The following ARMH3 variants were observed in gnomAD, a reference collection of about 807,000 sequenced individuals.
The protein encoded by ARMH3 is armadillo-like helical domain-containing protein 3.
ARMH3 carries 60 observed loss-of-function variants against 99.1 expected under a neutral mutation model. The ratio of observed to expected loss-of-function variants is 0.61; its 90% CI spans 0.49 to 0.75. The LOEUF is 0.75. Ranked by LOEUF, ARMH3 falls within the 30% of genes least tolerant of loss-of-function variation. The probability of loss-of-function intolerance (pLI) is 0.00; values close to 1 mark genes in which losing one functional copy is unlikely to be tolerated. For missense variants in ARMH3, 679 were observed against 843.1 expected (o/e 0.81, Z 2.41); for synonymous variants, 285 against 292.8 (o/e 0.97, Z 0.27).
intron 22 of ARMH3, among the ~76,000 whole-genome samples, chr10:101,955,385 G>A (rs532809891): frequency 3.3e-5 from 5 of 152,256 alleles, no homozygotes; most frequent in South Asian, 2.1e-4. Context: ...TTTTAAGTCC[G>A]AGTTTTCTGA....
At chr10:101,913,269 C>A (rs1842938816) in intron 23 of ARMH3, 2 of 152,154 alleles carry the variant, frequency 1.3e-5, no homozygotes, top group Middle Eastern at 3.4e-3. Flanking sequence ...GTGTGAGCCA[C>A]CACACCTGGC....
intron 22 of ARMH3, among the ~76,000 whole-genome samples, chr10:101,946,468 C>T (rs1308226886): frequency 2.0e-5 from 3 of 151,858 alleles, no homozygotes; most frequent in East Asian, 3.9e-4. Context: ...GCCAAGAGTG[C>T]ACCACTGCAC....
rs539010325 is a variant in ARMH3 at position 102,040,122 on chromosome 10, G to T, written c.-8C>A. 2.4e-5 allele frequency: 38 copies of T among 1,611,384 alleles called. No individual in the cohort carries two copies. In the South Asian group the frequency reaches 3.7e-4, roughly 16 times the overall value. ...TTTCTCTACCTGTGCCATGGTTAGA[G>T]AATCTGTGAACAGAAAGTCACATTT... On this transcript the variant is annotated 5_prime_UTR_variant, in exon 2 of 26. Coordinates refer to ENST00000370033, the MANE Select transcript of ARMH3 (RefSeq NM_024541.3).
In ARMH3 at chr10:102,014,004, C is replaced by T; in HGVS notation, c.690G>A (p.Val230=). ...RKYESVNPYI[V]KLSIVDDEAT... is the part of the protein sequence containing the mutation. The stretch of plus-strand genomic sequence containing the variant: ...CCTCATCATCCACGATAGACAGCTT[C>T]ACAATATAAGGATTCACAGACTGTT... Residue 230 remains valine (V), a synonymous_variant, in exon 9 of 26, where the codon GTG becomes GTA. Coordinates refer to ENST00000370033, the MANE Select transcript of ARMH3 (RefSeq NM_024541.3). 1.2e-6 allele frequency: 2 copies of T among 1,611,718 alleles called. No homozygotes were observed. The highest frequency in any genetic ancestry group is 1.7e-6 in the Non-Finnish European group (2 of 1,178,736).
At chr10:101,925,317 C>T (rs151330602) in intron 23 of ARMH3, among the ~76,000 whole-genome samples, 19 of 152,318 alleles carry the variant, frequency 1.2e-4, no homozygotes, top group African/African-American at 4.3e-4. Context: ...AGGAAACATT[C>T]ACTGAATGCT....
intron 23 of ARMH3, among the ~76,000 whole-genome samples, chr10:101,935,387 G>A (rs1384006397): frequency 6.6e-6 from 1 of 152,018 alleles, no homozygotes; most frequent in Non-Finnish European, 1.5e-5. Flanking sequence ...GAACTAGCAT[G>A]ACTAAGCCAT....
intron 11 of ARMH3, 110 bp downstream of exon 11, chr10:102,011,613 G>T: frequency 1.2e-6 from 1 of 839,786 alleles, no homozygotes. Flanking sequence ...CCTCTCTCTT[G>T]TCATCATGCC....
intron 23 of ARMH3, among the ~76,000 whole-genome samples, chr10:101,932,166 CTAGT>C (rs1274345655): frequency 6.6e-6 from 1 of 152,172 alleles, no homozygotes; most frequent in African/African-American, 2.4e-5. Flanking sequence ...CTCAACATCA[CTAGT>C]TATTTAAAAA....
intron 20 of ARMH3, among the ~76,000 whole-genome samples, chr10:101,960,750 C>G (rs1239569847): frequency 6.6e-6 from 1 of 151,890 alleles, no homozygotes; most frequent in South Asian, 2.1e-4. Context: ...ATTAGCCAGG[C>G]ACGGTGGCGG....
At chr10:101,864,078 A>ACACAC (rs1368002043) in intron 24 of ARMH3, among the ~76,000 whole-genome samples, 12 of 106,276 alleles carry the variant, frequency 1.1e-4, no homozygotes, top group African/African-American at 1.0e-4. Context: ...AAAAAAAAAA[A>ACACAC]ACACACACAC....
chr10:101,971,667 G>C (rs1268117116), intron 20 of ARMH3, among the ~76,000 whole-genome samples: 2 of 152,220 alleles, frequency 1.3e-5, no homozygotes, highest in Admixed American at 6.5e-5. Context: ...TTTGACACAA[G>C]GGGCTTCAGA....
At chr10:102,011,229 T>C (rs1030728714) in intron 11 of ARMH3, among the ~76,000 whole-genome samples, 2 of 152,080 alleles carry the variant, frequency 1.3e-5, no homozygotes, top group Non-Finnish European at 2.9e-5. Context: ...GGCACAGATC[T>C]ACTGCACGAT....
intron 23 of ARMH3, among the ~76,000 whole-genome samples, chr10:101,932,225 G>T (rs1394699019): frequency 6.6e-6 from 1 of 152,208 alleles, no homozygotes; most frequent in African/African-American, 2.4e-5. Flanking sequence ...CACCCGCTGG[G>T]ATGGCTAGTA....
rs374583257 is a variant in ARMH3 at position 101,931,745 on chromosome 10, C to G, written c.1781+8118G>C. Among the ~76,000 whole-genome samples the G allele has an allele frequency of 3.9e-5, 6 of 151,978 alleles. No individual in the cohort carries two copies. The South Asian group carries it at 6.2e-4, about 16-fold the overall frequency. The stretch of plus-strand genomic sequence containing the variant: ...TTAGCCTGGGCAACGTAGCAAGACC[C>G]TACCTCAAAAAACAAAAAAGGATCA... On this transcript the variant is annotated intron_variant, in intron 23 of 25. Coordinates refer to ENST00000370033, the MANE Select transcript of ARMH3 (RefSeq NM_024541.3).
At chr10:101,969,577 C>A (rs1463761449) in intron 20 of ARMH3, among the ~76,000 whole-genome samples, 1 of 152,206 alleles carries the variant, frequency 6.6e-6, no homozygotes, top group Non-Finnish European at 1.5e-5. Flanking sequence ...ATAGGAGAGC[C>A]AGCTGGATCC....
chr10:102,025,331 A>G, intron 5 of ARMH3, 83 bp from the exon 6 acceptor site: 1 of 1,058,854 alleles, frequency 9.4e-7, no homozygotes, highest in Non-Finnish European at 1.5e-6. Flanking sequence ...TATACAGGGT[A>G]ATGTGAATAA....
chr10:101,994,211 C>G (rs539739328), intron 16 of ARMH3, among the ~76,000 whole-genome samples: 2 of 152,288 alleles, frequency 1.3e-5, no homozygotes, highest in African/African-American at 2.4e-5. Context: ...ATCTGACAAG[C>G]CTACAGACTC....
chr10:102,023,739 T>C lies in ARMH3; in HGVS notation c.518A>G (p.Asn173Ser). ...LLLCLVTVTD[N>S]ISQNTILEYV... The stretch of plus-strand genomic sequence containing the variant: ...CTCGAGAATAGTGTTCTGGCTGATG[T>C]TATCTGTCACCTGAATGTAATAAAA... The change falls in exon 7 of 26, where the codon AAC becomes AGC. Residue 173 changes from asparagine (N) to serine (S), a missense_variant. Physicochemically the swap from Asn to Ser is conservative, Grantham distance 46 (BLOSUM62 1). Transcript: ENST00000370033. 6.2e-7 allele frequency: 1 copy of C among 1,614,094 alleles called. No individual in the cohort carries two copies. Among genetic ancestry groups the C allele is most frequent in the Non-Finnish European group, 8.5e-7 (1 of 1,179,930 alleles).
chr10:101,946,247 TATC>T (rs1420228000), intron 22 of ARMH3, among the ~76,000 whole-genome samples: 1 of 152,126 alleles, frequency 6.6e-6, no homozygotes, highest in African/African-American at 2.4e-5. Context: ...TTAAAGCAGT[TATC>T]ATAACTATGC....
Sources: gnomAD v4.1 joint callset for allele counts (sites outside exome capture counted in the v4.1 genomes callset) on GRCh38, gnomAD v4.1.1 for gene constraint, MANE v1.5 for transcripts, NCBI Gene and HGNC (gene_info 2026-07-23, HGNC 2026-07-21) for gene names.